Variants in ABCA1 observed in about 807,000 individuals in gnomAD.
ABCA1 encodes phospholipid-transporting ATPase ABCA1.
In ABCA1, 133 loss-of-function variants were observed where a neutral mutation model predicts 262.5. That is an observed-to-expected ratio of 0.51 (90% confidence interval 0.44 to 0.59). The LOEUF is 0.59. ABCA1 is among the 20% of genes least tolerant of loss of function. The pLI is 0.00. For synonymous variants in ABCA1, 1,022 were observed against 1,043.5 expected (o/e 0.98, Z 0.40); for missense variants, 2,452 against 2,777.5 (o/e 0.88, Z 2.63).
At chr9:104,828,073 G>A (rs779145806) in intron 15 of ABCA1, among the ~76,000 whole-genome samples, 8 of 152,138 alleles carry the variant, frequency 5.3e-5, no homozygotes, top group Non-Finnish European at 1.0e-4. Context: ...AAGAAAATTC[G>A]GATATAAATA....
chr9:104,804,236 G>A (rs1830577872), intron 32 of ABCA1, among the ~76,000 whole-genome samples: 1 of 151,624 alleles, frequency 6.6e-6, no homozygotes, highest in South Asian at 2.1e-4. Context: ...TCCCCCATCA[G>A]AGAGTACCCA....
chr9:104,792,291 AT>A (rs1829494096), intron 42 of ABCA1, among the ~76,000 whole-genome samples: 1 of 152,224 alleles, frequency 6.6e-6, no homozygotes, highest in Admixed American at 6.5e-5. Flanking sequence ...ATATATATGT[AT>A]TGCAGGTATT....
intron 11 of ABCA1, among the ~76,000 whole-genome samples, chr9:104,834,141 T>C (rs909096787): frequency 6.7e-6 from 1 of 149,876 alleles, no homozygotes; most frequent in Non-Finnish European, 1.5e-5. Flanking sequence ...AGCATAATGA[T>C]TGTATAGAGT....
intron 2 of ABCA1, among the ~76,000 whole-genome samples, chr9:104,898,841 A>T (rs2777785): frequency 6.6e-6 from 1 of 151,898 alleles, no homozygotes; most frequent in Non-Finnish European, 1.5e-5. Context: ...TTAATGTGAC[A>T]ACCTGTCAAT....
In ABCA1 at chr9:104,824,521, C is replaced by T; in HGVS notation, c.2600G>A (p.Gly867Asp). 1 of 1,614,106 alleles carries T rather than the reference C, an allele frequency of 6.2e-7. No homozygotes were observed. The highest frequency in any genetic ancestry group is 8.5e-7 in the Non-Finnish European group (1 of 1,180,026). The change falls in exon 18 of 50, where the codon GGC (glycine) becomes GAC (aspartate). Residue 867 changes from glycine to aspartate, a missense_variant. Physicochemically the swap from Gly to Asp is moderately conservative, Grantham distance 94 (BLOSUM62 -1). This residue lies in a region of ABCA1 where 1,032 missense variants were observed against 1,089.7 expected (regional missense o/e 0.95). Transcript: ENST00000374736. ...GTGGCTCTTCTCATCACTTTCCTCG[C>T]CAAACCAGTAGGACTTGGTGCAAGG... ...YFPCTKSYWF[G>D]EESDEKSHPG...
chr9:104,812,565 A>G lies in ABCA1; in HGVS notation c.4050+9T>C. The G allele has an allele frequency of 1.2e-6, 2 of 1,614,128 alleles. No individual in the cohort carries two copies. Among genetic ancestry groups the G allele is most frequent in the South Asian group, 1.1e-5 (1 of 91,084 alleles). Reference sequence around the variant, plus strand: ...AGCCAGAGTCTCTGGCGAAAACAGCACGTCTCACCTGAGCAAAAAATCCTT... The same window carrying G: ...AGCCAGAGTCTCTGGCGAAAACAGCGCGTCTCACCTGAGCAAAAAATCCTT... On this transcript the variant is annotated intron_variant, in intron 28 of 49. Transcript: ENST00000374736.
chr9:104,899,879 A>G (rs556494931), intron 2 of ABCA1, among the ~76,000 whole-genome samples: 2 of 152,144 alleles, frequency 1.3e-5, no homozygotes, highest in Admixed American at 1.3e-4. Context: ...AAAGCTCTGA[A>G]GTTCTCTTCC....
At chr9:104,887,851 C>A (rs1407839885) in intron 3 of ABCA1, among the ~76,000 whole-genome samples, 4 of 151,644 alleles carry the variant, frequency 2.6e-5, no homozygotes, top group African/African-American at 9.7e-5. Context: ...CTCAGCCTCC[C>A]CAGTAGCTGG....
At chr9:104,860,818 G>A (rs1411258581) in intron 6 of ABCA1, among the ~76,000 whole-genome samples, 4 of 147,768 alleles carry the variant, frequency 2.7e-5, no homozygotes, top group African/African-American at 2.6e-5. Context: ...GTGCAATGGC[G>A]TGATATTGGC....
chr9:104,833,682 C>G (rs1833548592), intron 11 of ABCA1, among the ~76,000 whole-genome samples: 1 of 152,202 alleles, frequency 6.6e-6, no homozygotes, highest in Admixed American at 6.5e-5. Context: ...CCACATAAAA[C>G]CTAATTCCTT....
intron 8 of ABCA1, among the ~76,000 whole-genome samples, chr9:104,841,557 G>A (rs954328260): frequency 1.8e-4 from 27 of 152,192 alleles, no homozygotes; most frequent in African/African-American, 5.8e-4. Context: ...ACTTCTCCAT[G>A]CTTCACGGAG....
intron 1 of ABCA1, among the ~76,000 whole-genome samples, chr9:104,910,095 G>C (rs1306702716): frequency 2.0e-5 from 3 of 152,164 alleles, no homozygotes; most frequent in Non-Finnish European, 4.4e-5. Flanking sequence ...AAGGGTGACA[G>C]TCAGCCCTCA....
chr9:104,869,204 A>C (rs1837366142), intron 5 of ABCA1, among the ~76,000 whole-genome samples: 1 of 152,088 alleles, frequency 6.6e-6, no homozygotes, highest in Admixed American at 6.5e-5. Context: ...GAACCAGAGC[A>C]ATCAGCTGCT....
chr9:104,850,569 A>G (rs942079708), intron 7 of ABCA1, among the ~76,000 whole-genome samples: 6 of 152,272 alleles, frequency 3.9e-5, no homozygotes, highest in African/African-American at 1.4e-4. Flanking sequence ...GCCTGAGCAC[A>G]TATCAGATCT....
rs551046807 is a variant in ABCA1, at chr9:104,826,648, G to A, written c.2337+300C>T. 8.0e-4 allele frequency among the ~76,000 whole-genome samples: 122 copies of A among 152,362 alleles called. 1 individual carries two copies. Among genetic ancestry groups the A allele is most frequent in the African/African-American group, 2.8e-3 (118 of 41,586 alleles). On this transcript the variant is annotated intron_variant, in intron 16 of 49. Coordinates refer to ENST00000374736, the MANE Select transcript of ABCA1 (RefSeq NM_005502.4). ...GAGATAAAGGGCAGAGATGGCATCT[G>A]TTGCCTGAAGCCATTCCTCAATGCC... is the stretch of plus-strand genomic sequence containing the variant.
rs201045780 is a variant in ABCA1 at position 104,924,248 on chromosome 9, A to T, written c.-93+3687T>A. 2.6e-5 allele frequency among the ~76,000 whole-genome samples: 4 copies of T among 152,298 alleles called. No homozygotes were observed. The East Asian group carries it at 7.7e-4, about 29-fold the overall frequency. ...GTTCAGAATGATCTTTTAACATTTG[A>T]TGCTAGAGTAAATGACCATAACAAC... On this transcript the variant is annotated intron_variant, in intron 1 of 49. Coordinates refer to ENST00000374736, the MANE Select transcript of ABCA1 (RefSeq NM_005502.4).
chr9:104,832,635 G>C lies in ABCA1; in HGVS notation c.1448C>G (p.Thr483Ser), dbSNP rs1426955105. The C allele has an allele frequency of 1.9e-6, 3 of 1,614,172 alleles. No homozygotes were observed. The South Asian group carries it at 3.3e-5, about 18-fold the overall frequency. ...DVQSSNGSVY[T>S]WREAFNETNQ... ...AGTCTCGTTGAAAGCTTCTCTCCAG[G>C]TGTACACAGAACCATTACTGGACTG... is the stretch of plus-strand genomic sequence containing the variant. The change falls in exon 12 of 50, where the codon ACC becomes AGC. Residue 483 changes from threonine to serine, a missense_variant. Around this residue, in one of 4 missense-constraint regions of ABCA1, gnomAD observed 1,032 missense variants for 1,089.7 expected, o/e 0.95. Transcript: ENST00000374736.
At chr9:104,845,680 G>C in intron 7 of ABCA1, 111 bp from the exon 8 acceptor site, 1 of 762,478 alleles carries the variant, frequency 1.3e-6, no homozygotes. Flanking sequence ...TAACAAACAA[G>C]AAACCGACTC....
At chr9:104,808,639 A>G (rs948503406) in intron 30 of ABCA1, among the ~76,000 whole-genome samples, 1 of 152,222 alleles carries the variant, frequency 6.6e-6, no homozygotes, top group African/African-American at 2.4e-5. Flanking sequence ...AGAACCTTGT[A>G]TAAACAGGTT....
Sources: gnomAD v4.1 joint callset for allele counts (sites outside exome capture counted in the v4.1 genomes callset) on GRCh38, gnomAD v4.1.1 for gene constraint, gnomAD v4.1.1 regional missense constraint, MANE v1.5 for transcripts, NCBI Gene and HGNC (gene_info 2026-07-23, HGNC 2026-07-21) for gene names.